The following PLA2R1 variants were observed in gnomAD, a reference collection of about 807,000 sequenced individuals.
PLA2R1 encodes the protein phospholipase A2 receptor 1, also known as secretory phospholipase A2 receptor.
Under a neutral mutation model 195.9 loss-of-function variants are expected in PLA2R1, and 158 were observed. The observed-to-expected ratio is 0.81, with a 90% confidence interval of 0.71 to 0.92. The LOEUF (loss-of-function observed/expected upper bound fraction) is 0.92. Among genes scored for constraint, PLA2R1 ranks in the 40% least tolerant of loss-of-function variants. The pLI is 0.00. For missense variants in PLA2R1, 1,626 were observed against 1,764.6 expected (o/e 0.92, Z 1.41); for synonymous variants, 586 against 598.2 (o/e 0.98, Z 0.30).
intron 1 of PLA2R1, among the ~76,000 whole-genome samples, chr2:160,058,623 C>T (rs1200199227): frequency 2.6e-5 from 4 of 152,190 alleles, no homozygotes; most frequent in Non-Finnish European, 5.9e-5. Context: ...GCTCCATCCC[C>T]TTCTTCTTTC....
chr2:160,053,420 G>T (rs766081461), intron 1 of PLA2R1, among the ~76,000 whole-genome samples: 15 of 152,122 alleles, frequency 9.9e-5, no homozygotes, highest in Non-Finnish European at 2.2e-4. Flanking sequence ...ATCATTTGCA[G>T]GGTCCAGGGT....
chr2:160,006,535 A>G (rs569118241), intron 10 of PLA2R1, among the ~76,000 whole-genome samples: 90 of 152,346 alleles, frequency 5.9e-4, no homozygotes, highest in Non-Finnish European at 1.1e-3. Flanking sequence ...TCCAGTATGA[A>G]TGCATCAAAA....
intron 17 of PLA2R1, among the ~76,000 whole-genome samples, chr2:159,971,609 T>C (rs1366913219): frequency 6.6e-6 from 1 of 152,098 alleles, no homozygotes; most frequent in East Asian, 1.9e-4. Context: ...TAAATCAGTA[T>C]ACTTAATGGG....
chr2:159,941,640 A>G lies in PLA2R1; in HGVS notation c.*138T>C. On this transcript the variant is annotated 3_prime_UTR_variant, in exon 30 of 30. Transcript: ENST00000283243. ...GATTTGGTTAAGATTCAAAACCAGT[A>G]ATCACTTCAAGAATAATTAAAATAG... 1.7e-6 allele frequency: 1 copy of G among 573,134 alleles called. No homozygotes were observed. Among genetic ancestry groups the G allele is most frequent in the Non-Finnish European group, 3.1e-6 (1 of 322,510 alleles). 35.5% of individuals were successfully genotyped at this position (573,134 alleles called of 1,614,324 possible). A position where few individuals can be genotyped will look rare whatever the true frequency, so the allele number is the denominator to read the frequency against.
intron 3 of PLA2R1, 39 bp from the exon 4 acceptor site, chr2:160,033,171 T>C: frequency 6.7e-7 from 1 of 1,493,570 alleles, no homozygotes; most frequent in Non-Finnish European, 9.2e-7. Context: ...AGGTCTTATT[T>C]TATCTATACA....
intron 20 of PLA2R1, among the ~76,000 whole-genome samples, chr2:159,957,234 G>A (rs566678652): frequency 2.8e-4 from 43 of 152,310 alleles, no homozygotes; most frequent in Non-Finnish European, 5.4e-4. Context: ...TAGAAATGAA[G>A]GGGAAGGTTG....
At chr2:160,024,379 C>T (rs1213455736) in intron 6 of PLA2R1, among the ~76,000 whole-genome samples, 1 of 152,152 alleles carries the variant, frequency 6.6e-6, no homozygotes, top group East Asian at 1.9e-4. Context: ...CTGTGCTGTG[C>T]CCCTCAGAGC....
At chr2:160,019,765 C>G (rs1692984705) in intron 8 of PLA2R1, among the ~76,000 whole-genome samples, 1 of 152,122 alleles carries the variant, frequency 6.6e-6, no homozygotes, top group African/African-American at 2.4e-5. Flanking sequence ...CACTTGCTAC[C>G]CTCTGCATGT....
At chr2:159,980,350 T>C (rs1415702938) in intron 13 of PLA2R1, among the ~76,000 whole-genome samples, 2 of 152,148 alleles carry the variant, frequency 1.3e-5, no homozygotes, top group Non-Finnish European at 2.9e-5. Flanking sequence ...GAAAAGAAAA[T>C]TGGTAAGAAA....
At chr2:160,013,117 A>G in intron 10 of PLA2R1, 146 bp downstream of exon 10, 1 of 398,524 alleles carries the variant, frequency 2.5e-6, no homozygotes, top group Non-Finnish European at 4.5e-6. Context: ...ATTTAAATTC[A>G]TCTCAATAAA....
At position 160,045,078 on chromosome 2, in the gene PLA2R1, G is replaced by A. The variant is rs1425952051; in HGVS notation, c.189C>T (p.Asn63=). 3 of 1,613,798 alleles carry A rather than the reference G, an allele frequency of 1.9e-6. No individual in the cohort carries two copies. Among genetic ancestry groups the A allele is most frequent in the Non-Finnish European group, 2.5e-6 (3 of 1,179,768 alleles). The part of the protein sequence containing the change: ...QAGKSVLTLE[N]CKQANKHMLW... ...GCATGTGCTTGTTTGCTTGCTTGCA[G>A]TTCTCCAGGGTCAGAACCGATTTAC... Residue 63 remains asparagine, a synonymous_variant, in exon 2 of 30, where the codon AAC becomes AAT. Coordinates refer to ENST00000283243, the MANE Select transcript of PLA2R1 (RefSeq NM_007366.5).
chr2:160,001,342 GA>G (rs1405476607), intron 11 of PLA2R1, among the ~76,000 whole-genome samples: 1 of 151,842 alleles, frequency 6.6e-6, no homozygotes, highest in African/African-American at 2.4e-5. Context: ...GGGAAAGAAT[GA>G]AATGAGAAAA....
intron 1 of PLA2R1, among the ~76,000 whole-genome samples, chr2:160,061,914 T>A (rs544486666): frequency 6.6e-6 from 1 of 152,120 alleles, no homozygotes; most frequent in Non-Finnish European, 1.5e-5. Flanking sequence ...CTTTTTGCTA[T>A]CATTTATCCG....
At position 160,005,758 on chromosome 2, in the gene PLA2R1, A is replaced by C. The variant is rs1168126474; in HGVS notation, c.1728T>G (p.Phe576Leu). The change falls in exon 11 of 30, where the codon TTT becomes TTG. Residue 576 changes from phenylalanine to leucine, a missense_variant. Physicochemically the swap from Phe to Leu is conservative, Grantham distance 22. Transcript: ENST00000283243. ...CATTTTGGTCCTGAAGAGCTATCCA[A>C]AAATAACTGTCCTTCATTTTTACCA... ...SSVVKMKDSY[F>L]WIALQDQNDT... 1 of 1,612,980 alleles carries C rather than the reference A, an allele frequency of 6.2e-7. No homozygotes were observed. The highest frequency in any genetic ancestry group is 1.7e-5 in the Admixed American group (1 of 60,006).
At chr2:160,058,627 T>C (rs1346959888) in intron 1 of PLA2R1, among the ~76,000 whole-genome samples, 1 of 152,234 alleles carries the variant, frequency 6.6e-6, no homozygotes. Context: ...CATCCCCTTC[T>C]TCTTTCTCCC....
chr2:159,963,315 A>C (rs1688573873), intron 20 of PLA2R1, among the ~76,000 whole-genome samples: 1 of 152,226 alleles, frequency 6.6e-6, no homozygotes, highest in Non-Finnish European at 1.5e-5. Context: ...GCAAATCTTC[A>C]TTACCTTGGA....
chr2:160,035,513 A>C (rs1207886359), intron 3 of PLA2R1, among the ~76,000 whole-genome samples: 1 of 152,184 alleles, frequency 6.6e-6, no homozygotes, highest in Non-Finnish European at 1.5e-5. Context: ...TATGTTTATT[A>C]TTCTTGAAAA....
intron 3 of PLA2R1, among the ~76,000 whole-genome samples, chr2:160,039,840 AT>A (rs1437820674): frequency 2.0e-5 from 3 of 152,024 alleles, no homozygotes; most frequent in African/African-American, 7.2e-5. Context: ...GGTCTGGGGA[AT>A]GAAAAGCCTG....
At chr2:159,985,570 T>TAC (rs10646409) in intron 12 of PLA2R1, among the ~76,000 whole-genome samples, 4,994 of 152,202 alleles carry the variant, frequency 0.033, 98 homozygotes, top group East Asian at 0.052. Flanking sequence ...CACACATACA[T>TAC]ACACACACAC....
Sources: allele counts gnomAD v4.1 joint callset (sites outside exome capture counted in the v4.1 genomes callset), GRCh38; gene constraint gnomAD v4.1.1; transcripts MANE v1.5; gene names NCBI Gene and HGNC (gene_info 2026-07-23, HGNC 2026-07-21).